Variants in SLC6A15 observed in about 807,000 individuals in gnomAD.
The protein encoded by SLC6A15 is sodium-dependent neutral amino acid transporter B(0)AT2.
In SLC6A15, 33 loss-of-function variants were observed where a neutral mutation model predicts 68.5. The observed-to-expected ratio is 0.48, with a 90% CI of 0.37 to 0.64. SLC6A15 has a LOEUF of 0.64. Ranked by LOEUF, SLC6A15 falls within the 30% of genes least tolerant of loss-of-function variation. The pLI is 0.00. For synonymous variants in SLC6A15, 347 were observed against 301.0 expected (o/e 1.15, Z -1.58); for missense variants, 747 against 874.3 (o/e 0.85, Z 1.84).
intron 1 of SLC6A15, among the ~76,000 whole-genome samples, chr12:84,898,200 G>A (rs937282653): frequency 1.3e-5 from 2 of 152,102 alleles, no homozygotes; most frequent in African/African-American, 2.4e-5. Context: ...AATTAGCCAG[G>A]CCTGGTGGCA....
chr12:84,900,086 T>A (rs1872792523), intron 1 of SLC6A15, among the ~76,000 whole-genome samples: 1 of 152,090 alleles, frequency 6.6e-6, no homozygotes, highest in Non-Finnish European at 1.5e-5. Flanking sequence ...AACACTGATA[T>A]CTACCAAATT....
At chr12:84,865,682 TC>T in intron 10 of SLC6A15, among the ~76,000 whole-genome samples, 1 of 152,328 alleles carries the variant, frequency 6.6e-6, no homozygotes, top group Non-Finnish European at 1.5e-5. Flanking sequence ...TTTTACCTTT[TC>T]CATATTATAA....
intron 1 of SLC6A15, among the ~76,000 whole-genome samples, chr12:84,897,597 A>C (rs1872683879): frequency 6.6e-6 from 1 of 152,148 alleles, no homozygotes; most frequent in Admixed American, 6.5e-5. Flanking sequence ...ACTTCTCATA[A>C]TATCTATTAA....
chr12:84,868,364 T>C (rs897142112), intron 9 of SLC6A15, among the ~76,000 whole-genome samples: 1 of 152,214 alleles, frequency 6.6e-6, no homozygotes, highest in Admixed American at 6.5e-5. Flanking sequence ...TATTACTTTG[T>C]TTACAGATGA....
Position 84,872,798 on chromosome 12 carries a change from A to G in SLC6A15, c.1110-4T>C, listed in dbSNP as rs1479833510. 2 of 1,596,818 alleles carry G rather than the reference A, an allele frequency of 1.3e-6. No individual in the cohort carries two copies. Among genetic ancestry groups the G allele is most frequent in the Admixed American group, 3.5e-5 (2 of 56,418 alleles). ...TTTCATGATCGTCTCTGAATTTCTG[A>G]AAAATAAAACAACATACAAATGAGC... is the stretch of plus-strand genomic sequence containing the variant. On this transcript the variant is annotated splice_polypyrimidine_tract_variant and splice_region_variant and intron_variant, in intron 7 of 11. Transcript: ENST00000266682.
chr12:84,881,937 C>T (rs754144789), intron 5 of SLC6A15: 1 of 985,176 alleles, frequency 1.0e-6, no homozygotes, highest in East Asian at 1.1e-4. Context: ...ATTCTTTCTT[C>T]AAATATTGCC....
In SLC6A15 at chr12:84,859,649, C is replaced by T. The variant is rs879055111; in HGVS notation, c.*1983G>A. On this transcript the variant is annotated 3_prime_UTR_variant, in exon 12 of 12. Transcript: ENST00000266682. ...TATTTGGCAATACATTATTGTGTTA[C>T]GGTTAAAGTCTGGCAGGTTAAGTAT... 2.0e-5 allele frequency: 3 copies of T among 151,428 alleles called. No homozygotes were observed. Among genetic ancestry groups the T allele is most frequent in the South Asian group, 4.2e-4 (2 of 4,800 alleles). The allele number at this position is 151,428 out of a possible 1,614,324, so 9.4% of individuals were successfully genotyped here.
chr12:84,875,687 TA>T (rs1871494770), intron 6 of SLC6A15, among the ~76,000 whole-genome samples: 1 of 3,308 alleles, frequency 3.0e-4, no homozygotes, highest in African/African-American at 5.6e-4. Context: ...TATATATATA[TA>T]TATATATATA....
intron 6 of SLC6A15, among the ~76,000 whole-genome samples, chr12:84,873,836 T>A (rs12304809): frequency 0.02 from 3,032 of 152,312 alleles, 108 homozygotes; most frequent in African/African-American, 0.067. Context: ...TATGTATTCT[T>A]CATTCATTCA....
chr12:84,861,432 C>T lies in SLC6A15; in HGVS notation c.*200G>A. 1.9e-6 allele frequency: 1 copy of T among 517,792 alleles called. No individual in the cohort carries two copies. The highest frequency in any genetic ancestry group is 3.2e-6 in the Non-Finnish European group (1 of 315,070). 32.1% of individuals were successfully genotyped at this position (517,792 alleles called of 1,614,324 possible). ...CCTCAGCCCTCCTAAGATTTGTCTG[C>T]AATCCTTTCTGCACAAATGTAAACC... On this transcript the variant is annotated 3_prime_UTR_variant, in exon 12 of 12. Transcript: ENST00000266682.
chr12:84,908,632 C>G (rs540281782), intron 1 of SLC6A15, among the ~76,000 whole-genome samples: 1 of 143,500 alleles, frequency 7.0e-6, no homozygotes, highest in African/African-American at 2.6e-5. Context: ...ATATATCTTC[C>G]TACCCTTTCT....
At chr12:84,895,713 T>C (rs1296958532) in intron 1 of SLC6A15, among the ~76,000 whole-genome samples, 1 of 152,132 alleles carries the variant, frequency 6.6e-6, no homozygotes, top group East Asian at 1.9e-4. Flanking sequence ...GTGCACAGTT[T>C]TCATACAGCC....
chr12:84,910,409 T>A (rs1873381453), intron 1 of SLC6A15, among the ~76,000 whole-genome samples: 1 of 152,184 alleles, frequency 6.6e-6, no homozygotes, highest in South Asian at 2.1e-4. Flanking sequence ...CATTGATGAT[T>A]CCATAGAAAA....
Position 84,883,934 on chromosome 12 carries a change from C to T in SLC6A15, c.681G>A (p.Lys227=), listed in dbSNP as rs200478124. 1 of 1,614,130 alleles carries T rather than the reference C, an allele frequency of 6.2e-7. No homozygotes were observed. The highest frequency in any genetic ancestry group is 8.5e-7 in the Non-Finnish European group (1 of 1,180,016). Reference sequence around the variant, plus strand: ...AGGCAGCCAACAAGCAGATGGTCATCTTCCAGTTTAAGCCCCCACTTTCAG... The same window carrying T: ...AGGCAGCCAACAAGCAGATGGTCATTTTCCAGTTTAAGCCCCCACTTTCAG... The part of the protein sequence containing the change: ...SISESGGLNW[K]MTICLLAAWV... The change falls in exon 5 of 12, where the codon AAG becomes AAA. Residue 227 remains lysine (K), a synonymous_variant. Coordinates refer to ENST00000266682, the MANE Select transcript of SLC6A15 (RefSeq NM_182767.6).
intron 1 of SLC6A15, among the ~76,000 whole-genome samples, chr12:84,901,218 A>G (rs1005059277): frequency 3.3e-5 from 5 of 151,642 alleles, no homozygotes; most frequent in African/African-American, 1.2e-4. Flanking sequence ...AGCACTCGCC[A>G]ATAAAGCCAT....
At chr12:84,893,231 C>T (rs1872498169) in intron 1 of SLC6A15, among the ~76,000 whole-genome samples, 1 of 151,880 alleles carries the variant, frequency 6.6e-6, no homozygotes, top group Admixed American at 6.6e-5. Flanking sequence ...TTTAAATGAC[C>T]CAACATTATT....
At chr12:84,897,058 T>C (rs1057496534) in intron 1 of SLC6A15, among the ~76,000 whole-genome samples, 1 of 152,112 alleles carries the variant, frequency 6.6e-6, no homozygotes, top group African/African-American at 2.4e-5. Flanking sequence ...CTGGGTGTGG[T>C]GGCAGGTGCC....
At chr12:84,900,108 G>T (rs11116648) in intron 1 of SLC6A15, among the ~76,000 whole-genome samples, 27,752 of 151,812 alleles carry the variant, frequency 0.18, 3,313 homozygotes, top group African/African-American at 0.33. Flanking sequence ...AGTTTTCCAG[G>T]CTATAAACTT....
At chr12:84,891,702 A>G in intron 2 of SLC6A15, 130 bp downstream of exon 2, 1 of 943,334 alleles carries the variant, frequency 1.1e-6, no homozygotes. Context: ...CCCACAAAGA[A>G]GTGGGTTTCT....
Sources: allele counts gnomAD v4.1 joint callset (sites outside exome capture counted in the v4.1 genomes callset), GRCh38; gene constraint gnomAD v4.1.1; transcripts MANE v1.5; gene names NCBI Gene and HGNC (gene_info 2026-07-23, HGNC 2026-07-21).